The following MGRN1 variants were observed in gnomAD, a reference collection of about 807,000 sequenced individuals.
MGRN1 encodes the protein E3 ubiquitin-protein ligase MGRN1.
MGRN1 carries 29 observed loss-of-function variants against 69.2 expected under a neutral mutation model. The observed-to-expected ratio is 0.42, with a 90% CI of 0.31 to 0.57. The LOEUF (loss-of-function observed/expected upper bound fraction) is 0.57, where lower values mean the gene tolerates loss of function less well. MGRN1 is among the 20% of genes least tolerant of loss of function. The pLI is 0.15. For missense variants in MGRN1, 998 were observed against 796.2 expected, an observed-to-expected ratio of 1.25 and a Z score of -3.05; for synonymous variants, 470 against 344.2, an observed-to-expected ratio of 1.37 and a Z score of -4.04.
chr16:4,626,181 G>A (rs1897669111), intron 1 of MGRN1, among the ~76,000 whole-genome samples: 1 of 152,242 alleles, frequency 6.6e-6, no homozygotes. Context: ...GGGATGAAGT[G>A]AGGGGAACCA....
Position 4,673,395 on chromosome 16 carries a change from C to A in MGRN1, c.796-103C>A, listed in dbSNP as rs888084704. On this transcript the variant is annotated intron_variant, in intron 9 of 16. Transcript: ENST00000262370. ...CTGGACTTCTCTTTGTCATGACAGC[C>A]CCCAGGGTAGGGTGGAGTGGGGTGG... is the stretch of plus-strand genomic sequence containing the variant. The A allele has an allele frequency of 9.6e-6, 14 of 1,459,556 alleles. No homozygotes were observed. The African/African-American group carries it at 1.5e-4, about 16-fold the overall frequency. 90.4% of individuals were successfully genotyped at this position (1,459,556 alleles called of 1,614,324 possible). A position where few individuals can be genotyped will look rare whatever the true frequency, so the allele number is the denominator to read the frequency against.
At chr16:4,653,041 A>T (rs2078444429) in intron 4 of MGRN1, among the ~76,000 whole-genome samples, 3 of 152,142 alleles carry the variant, frequency 2.0e-5, no homozygotes, top group African/African-American at 7.2e-5. Context: ...TTCAGTTCCA[A>T]CGCTGCCTGG....
At chr16:4,647,664 T>C (rs1407495608) in intron 1 of MGRN1, among the ~76,000 whole-genome samples, 2 of 152,234 alleles carry the variant, frequency 1.3e-5, no homozygotes, top group Non-Finnish European at 2.9e-5. Flanking sequence ...TTCTTTAACC[T>C]GCAAATACTC....
At chr16:4,643,733 G>T (rs1390942285) in intron 1 of MGRN1, among the ~76,000 whole-genome samples, 4 of 152,120 alleles carry the variant, frequency 2.6e-5, no homozygotes, top group Non-Finnish European at 2.9e-5. Flanking sequence ...ATTGAAATTA[G>T]AATTTTAAAT....
rs113394324 is a variant in MGRN1, at chr16:4,630,198, A to C, written c.88+5150A>C. Among the ~76,000 whole-genome samples, 868 of 151,848 alleles carry C rather than the reference A, an allele frequency of 5.7e-3. 5 individuals are homozygous for C. The highest frequency in any genetic ancestry group is 0.02 in the African/African-American group (849 of 41,446). On this transcript the variant is annotated intron_variant, in intron 1 of 16. Coordinates refer to ENST00000262370, the MANE Select transcript of MGRN1 (RefSeq NM_015246.4). ...GAAACTCCATGTCTCCTAAAATACA[A>C]AAAATTAGTTGGGTGTGGCAGCATG...
Position 4,686,514 on chromosome 16 carries a change from C to A in MGRN1, c.1619-2282C>A, listed in dbSNP as rs773731552. ...TGGCCTCCTGGGGGGTCCTGACTTT[C>A]GGGGCCAGAGGTCTCTCCATCTGGA... On this transcript the variant is annotated intron_variant, in intron 16 of 16. Transcript: ENST00000262370. 68 of 1,373,658 alleles carry A rather than the reference C, an allele frequency of 5.0e-5. No individual in the cohort carries two copies. The African/African-American group carries it at 9.0e-4, about 18-fold the overall frequency. 85.1% of individuals were successfully genotyped at this position (1,373,658 alleles called of 1,614,324 possible).
At chr16:4,665,779 C>G (rs1195588627) in intron 7 of MGRN1, among the ~76,000 whole-genome samples, 5 of 151,248 alleles carry the variant, frequency 3.3e-5, no homozygotes, top group Non-Finnish European at 7.4e-5. Flanking sequence ...AAGCGATTCT[C>G]CTGCCTCAGC....
chr16:4,682,345 C>G (rs1337199742), intron 13 of MGRN1, among the ~76,000 whole-genome samples: 2 of 152,254 alleles, frequency 1.3e-5, no homozygotes, highest in African/African-American at 2.4e-5. Context: ...CGTGGTTCCC[C>G]TGGAGCCTTG....
chr16:4,642,647 A>G (rs1305193267), intron 1 of MGRN1, among the ~76,000 whole-genome samples: 1 of 151,782 alleles, frequency 6.6e-6, no homozygotes, highest in African/African-American at 2.4e-5. Flanking sequence ...TTTTAGTAGA[A>G]ACAGACTTTC....
At chr16:4,686,454 G>A in intron 16 of MGRN1, 2 of 1,426,592 alleles carry the variant, frequency 1.4e-6, no homozygotes, top group Non-Finnish European at 1.8e-6. Context: ...CGAATCCAGA[G>A]CTCTCCAGTG....
At chr16:4,639,575 G>A (rs569749208) in intron 1 of MGRN1, among the ~76,000 whole-genome samples, 1 of 152,186 alleles carries the variant, frequency 6.6e-6, no homozygotes, top group Non-Finnish European at 1.5e-5. Flanking sequence ...CCTATGACTT[G>A]GGCATCCTGT....
At chr16:4,654,950 G>T (rs1245964149) in intron 4 of MGRN1, among the ~76,000 whole-genome samples, 1 of 152,188 alleles carries the variant, frequency 6.6e-6, no homozygotes, top group Non-Finnish European at 1.5e-5. Context: ...ACCTTGCCCC[G>T]GCACTTGATT....
chr16:4,654,518 A>G (rs1367265162), intron 4 of MGRN1, among the ~76,000 whole-genome samples: 1 of 152,258 alleles, frequency 6.6e-6, no homozygotes, highest in Non-Finnish European at 1.5e-5. Context: ...GAGACAGGCA[A>G]GAGCGTGCCC....
chr16:4,684,036 T>C (rs1406029961), intron 16 of MGRN1, 104 bp downstream of exon 16: 2 of 1,023,338 alleles, frequency 2.0e-6, no homozygotes, highest in Admixed American at 2.2e-5. Context: ...AGGCTGTCCA[T>C]TGGAGCCTGG....
chr16:4,686,859 A>G, intron 16 of MGRN1: 1 of 985,678 alleles, frequency 1.0e-6, no homozygotes. Flanking sequence ...ATGGGGAAAG[A>G]ATGCGCCCCG....
chr16:4,687,065 A>G (rs2079339551), intron 16 of MGRN1: 1 of 985,412 alleles, frequency 1.0e-6, no homozygotes. Context: ...TGGCATCACC[A>G]TGGGCCTGGC....
chr16:4,678,896 A>G (rs2079114655), intron 11 of MGRN1, among the ~76,000 whole-genome samples: 1 of 152,276 alleles, frequency 6.6e-6, no homozygotes, highest in Non-Finnish European at 1.5e-5. Flanking sequence ...CCTGGGCCCT[A>G]TGGGCCTCCC....
At chr16:4,679,068 C>G (rs970967338) in intron 11 of MGRN1, among the ~76,000 whole-genome samples, 1 of 152,212 alleles carries the variant, frequency 6.6e-6, no homozygotes, top group East Asian at 1.9e-4. Flanking sequence ...CCTCTAGGCC[C>G]CTACCATCGT....
chr16:4,655,676 T>C (rs979512181), intron 4 of MGRN1, among the ~76,000 whole-genome samples: 5 of 151,250 alleles, frequency 3.3e-5, no homozygotes, highest in Non-Finnish European at 7.4e-5. Context: ...CAGGACGCGG[T>C]GCAAGGCCAG....
Sources: allele counts gnomAD v4.1 joint callset (sites outside exome capture counted in the v4.1 genomes callset), GRCh38; gene constraint gnomAD v4.1.1; transcripts MANE v1.5; gene names NCBI Gene and HGNC (gene_info 2026-07-23, HGNC 2026-07-21).